UPF2: variants seen among roughly 807,000 people sequenced by gnomAD.
UPF2 encodes the protein UPF2 regulator of nonsense mediated mRNA decay.
In UPF2, 17 loss-of-function variants were observed where a neutral mutation model predicts 141.4. The observed-to-expected ratio is 0.12, with a 90% CI of 0.08 to 0.18. The LOEUF (loss-of-function observed/expected upper bound fraction) is 0.18, where lower values mean the gene tolerates loss of function less well. UPF2 is among the 10% of genes least tolerant of loss of function. UPF2 has a pLI of 1.00. For missense variants in UPF2, 1,152 were observed against 1,515.9 expected (o/e 0.76, Z 3.99); for synonymous variants, 540 against 498.0 (o/e 1.08, Z -1.12).
intron 8 of UPF2, among the ~76,000 whole-genome samples, chr10:11,993,483 T>A (rs1833815432): frequency 6.6e-6 from 1 of 151,904 alleles, no homozygotes; most frequent in South Asian, 2.1e-4. Context: ...ATCAATACAT[T>A]TACTGACTAT....
chr10:12,001,000 T>A (rs1275610577), intron 6 of UPF2, among the ~76,000 whole-genome samples: 2 of 152,170 alleles, frequency 1.3e-5, no homozygotes, highest in Non-Finnish European at 2.9e-5. Context: ...TCAAATACAT[T>A]TATGTTGTTT....
At chr10:12,020,959 G>C (rs1834307459) in intron 3 of UPF2, among the ~76,000 whole-genome samples, 1 of 152,150 alleles carries the variant, frequency 6.6e-6, no homozygotes, top group Admixed American at 6.5e-5. Context: ...CCACAGAACT[G>C]TTTATTTTAT....
chr10:11,938,842 GTTTTTTTTTTGT>G lies in UPF2; in HGVS notation c.3379-2142_3379-2131del, dbSNP rs1226368291. ...GTCCTAGCCATGTGGTCTTAAGCAA[GTTTTTTTTTTGT>G]TTTTTTTTTTTTTTTTTTTTTTTTT... On this transcript the variant is annotated intron_variant, in intron 18 of 21. Transcript: ENST00000357604. 3.2e-3 allele frequency among the ~76,000 whole-genome samples: 146 copies of G among 45,846 alleles called. 1 individual carries two copies. Among genetic ancestry groups the G allele is most frequent in the African/African-American group, 9.4e-3 (133 of 14,214 alleles). The allele number at this position is 45,846 out of a possible 152,430, so 30.1% of individuals were successfully genotyped here.
chr10:11,951,527 C>A (rs148097243), intron 15 of UPF2, among the ~76,000 whole-genome samples: 1 of 152,282 alleles, frequency 6.6e-6, no homozygotes, highest in Non-Finnish European at 1.5e-5. Flanking sequence ...CCCAAAACAA[C>A]CTCAGGATAC....
In UPF2 at chr10:11,942,721, C is replaced by T. The variant is rs1170285047; in HGVS notation, c.3322G>A (p.Val1108Ile). Residue 1108 changes from valine to isoleucine, a missense_variant, in exon 18 of 22, where the codon GTA (valine) becomes ATA (isoleucine). Transcript: ENST00000357604. Reference protein sequence around the residue: ...KGGGLKHVPCVEDEDFIQALD... With the variant: ...KGGGLKHVPCIEDEDFIQALD... ...GCTTGAATGAAGTCCTCATCTTCTA[C>T]ACAAGGTACATGCTTAAGTCCACCG... The T allele has an allele frequency of 2.5e-6, 4 of 1,614,058 alleles. No homozygotes were observed. The highest frequency in any genetic ancestry group is 3.3e-4 in the Middle Eastern group (2 of 6,060).
Position 11,943,073 on chromosome 10 carries a change from T to C in UPF2, c.3270A>G (p.Glu1090=). Reference sequence around the variant, plus strand: ...TTTCAGCCATACGTACAGTATTCTCTTCATCGGTTTCATTTTCCTTATTGG... The same window carrying C: ...TTTCAGCCATACGTACAGTATTCTCCTCATCGGTTTCATTTTCCTTATTGG... ...TDSNKENETD[E]ENTEVMIKGG... is the part of the protein sequence containing the mutation. The change falls in exon 17 of 22, where the codon GAA becomes GAG. Residue 1090 remains glutamate (E), a synonymous_variant. Coordinates refer to ENST00000357604, the MANE Select transcript of UPF2 (RefSeq NM_015542.4). 1.2e-6 allele frequency: 2 copies of C among 1,610,264 alleles called. No homozygotes were observed. Among genetic ancestry groups the C allele is most frequent in the Non-Finnish European group, 8.5e-7 (1 of 1,177,658 alleles).
intron 11 of UPF2, among the ~76,000 whole-genome samples, chr10:11,962,767 A>G (rs546206509): frequency 6.6e-6 from 1 of 152,280 alleles, no homozygotes; most frequent in Admixed American, 6.5e-5. Flanking sequence ...GGCTCCTTAT[A>G]AGCTAGTGCG....
chr10:12,033,483 G>T (rs977906666), intron 2 of UPF2, among the ~76,000 whole-genome samples: 1 of 152,032 alleles, frequency 6.6e-6, no homozygotes, highest in Non-Finnish European at 1.5e-5. Flanking sequence ...CAGTGAGCTG[G>T]CATTGTACCA....
chr10:12,042,832 C>G (rs1206122052), upstream of UPF2: 1 of 152,186 alleles, frequency 6.6e-6, no homozygotes, highest in African/African-American at 2.4e-5. The surrounding 1 kb of genome is among the most constrained non-coding windows in gnomAD (Gnocchi z 5.5). Context: ...CCCCTCCCCC[C>G]ACCTATCTCG....
chr10:12,029,445 G>C lies in UPF2; in HGVS notation c.445C>G (p.Gln149Glu), dbSNP rs1465371212. The change falls in exon 3 of 22, where the codon CAA becomes GAA. Residue 149 changes from glutamine (Q) to glutamate (E), a missense_variant. Gln to Glu is a conservative substitution (Grantham distance 29). Transcript: ENST00000357604. ...HLRKELRSKN[Q>E]NAPDSRPEEN... ...TCTGGTCGGCTGTCCGGAGCATTTT[G>C]GTTTTTGCTACGAAGTTCCTTTCTT... The C allele has an allele frequency of 6.2e-7, 1 of 1,613,518 alleles. No individual in the cohort carries two copies. The highest frequency in any genetic ancestry group is 1.1e-5 in the South Asian group (1 of 90,790).
At chr10:12,041,489 G>A (rs922221437) in intron 1 of UPF2, among the ~76,000 whole-genome samples, 1 of 152,152 alleles carries the variant, frequency 6.6e-6, no homozygotes, top group Non-Finnish European at 1.5e-5. Flanking sequence ...TAATTTACTA[G>A]AAGTACCAAT....
intron 3 of UPF2, among the ~76,000 whole-genome samples, chr10:12,027,697 CA>C (rs1321072613): frequency 6.6e-6 from 1 of 152,176 alleles, no homozygotes; most frequent in Non-Finnish European, 1.5e-5. Context: ...GAGTGACCTT[CA>C]GCCACAAAGA....
At chr10:11,975,809 G>A (rs761969316) in intron 9 of UPF2, among the ~76,000 whole-genome samples, 2 of 152,042 alleles carry the variant, frequency 1.3e-5, no homozygotes, top group Non-Finnish European at 2.9e-5. Flanking sequence ...GGGCCACCGC[G>A]CCCGGCCCTA....
At position 11,931,960 on chromosome 10, in the gene UPF2, C is replaced by T. The variant is rs537281045; in HGVS notation, c.3547-178G>A. 7.2e-5 allele frequency among the ~76,000 whole-genome samples: 11 copies of T among 152,182 alleles called. No individual in the cohort carries two copies. The East Asian group carries it at 2.1e-3, about 29-fold the overall frequency. ...GGTCAAGAGATCAAGACCATCCAGG[C>T]CAACATGATGAAACCCCGTCTTTAC... On this transcript the variant is annotated intron_variant, in intron 19 of 21. Transcript: ENST00000357604. This position sits in a 1 kb window ranked among gnomAD's most constrained non-coding sequence, Gnocchi z 5.9.
intron 2 of UPF2, among the ~76,000 whole-genome samples, chr10:12,032,022 C>T (rs913068487): frequency 7.9e-5 from 12 of 152,080 alleles, no homozygotes; most frequent in Non-Finnish European, 1.2e-4. Flanking sequence ...GGCTGGGTGC[C>T]GTGGCTCACG....
chr10:11,928,546 A>T (rs1480821036), intron 21 of UPF2, among the ~76,000 whole-genome samples: 1 of 151,550 alleles, frequency 6.6e-6, no homozygotes, highest in Non-Finnish European at 1.5e-5. Context: ...CGTCTCTACT[A>T]AAAATACTAA....
At position 11,931,036 on chromosome 10, in the gene UPF2, A is replaced by C. The variant is rs114152465; in HGVS notation, c.3688+605T>G. 2.0e-5 allele frequency among the ~76,000 whole-genome samples: 3 copies of C among 152,342 alleles called. No homozygotes were observed. The highest frequency in any genetic ancestry group is 7.2e-5 in the African/African-American group (3 of 41,562). ...ACTGAAAAATGCTGGGTATGTATGC[A>C]TAAAATGAGAATCCTAATTTGAGTA... On this transcript the variant is annotated intron_variant, in intron 20 of 21. Transcript: ENST00000357604. This position sits in a 1 kb window ranked among gnomAD's most constrained non-coding sequence, Gnocchi z 5.9.
chr10:12,021,555 T>C (rs1564369419), intron 3 of UPF2, among the ~76,000 whole-genome samples: 1 of 151,950 alleles, frequency 6.6e-6, no homozygotes, highest in African/African-American at 2.4e-5. Flanking sequence ...TTTATTATGT[T>C]AATGTAAAAT....
intron 18 of UPF2, among the ~76,000 whole-genome samples, chr10:11,941,267 A>G (rs533605717): frequency 6.6e-6 from 1 of 152,356 alleles, no homozygotes; most frequent in East Asian, 1.9e-4. Context: ...GAAGTTTCTC[A>G]GAGAAGTAAA....
Sources: gnomAD v4.1 joint callset for allele counts (sites outside exome capture counted in the v4.1 genomes callset) on GRCh38, gnomAD v4.1.1 for gene constraint, Gnocchi (gnomAD v3.1) non-coding constraint, MANE v1.5 for transcripts, NCBI Gene and HGNC (gene_info 2026-07-23, HGNC 2026-07-21) for gene names.